Variants in CEP112 observed in about 807,000 individuals in gnomAD.
The protein encoded by CEP112 is centrosomal protein of 112 kDa.
Under a neutral mutation model 153.0 loss-of-function variants are expected in CEP112, and 127 were observed. The observed-to-expected ratio is 0.83, with a 90% CI of 0.72 to 0.96. CEP112 has a LOEUF of 0.96. Among genes scored for constraint, CEP112 ranks in the 40% least tolerant of loss-of-function variants. The probability of loss-of-function intolerance (pLI) is 0.00; values close to 1 mark genes in which losing one functional copy is unlikely to be tolerated. For missense variants in CEP112, 1,089 were observed against 1,101.2 expected, an observed-to-expected ratio of 0.99 and a Z score of 0.16; for synonymous variants, 358 against 374.4, an observed-to-expected ratio of 0.96 and a Z score of 0.51.
At chr17:66,090,001 T>G (rs1442477470) in intron 8 of CEP112, among the ~76,000 whole-genome samples, 2 of 152,126 alleles carry the variant, frequency 1.3e-5, no homozygotes, top group African/African-American at 4.8e-5. Flanking sequence ...GAGGAAATCT[T>G]ACAGTCCAGA....
chr17:65,708,644 G>T lies in CEP112; in HGVS notation c.2608-19426C>A, dbSNP rs564426251. 1.1e-4 allele frequency among the ~76,000 whole-genome samples: 17 copies of T among 152,228 alleles called. No individual in the cohort carries two copies. The South Asian group carries it at 3.5e-3, about 32-fold the overall frequency. On this transcript the variant is annotated intron_variant, in intron 23 of 26. Coordinates refer to ENST00000535342, the MANE Select transcript of CEP112 (RefSeq NM_001199165.4). ...TGCCCCTTGGTGAAAATTCAGAAGG[G>T]TGCCTTGATTTTTCAGGTCACTCTA...
At chr17:65,751,977 TC>T (rs2051886668) in intron 21 of CEP112, among the ~76,000 whole-genome samples, 1 of 145,386 alleles carries the variant, frequency 6.9e-6, no homozygotes, top group South Asian at 2.2e-4. Context: ...TATCTATCTA[TC>T]TATCTATCTA....
At chr17:65,971,667 T>C (rs1231745353) in intron 17 of CEP112, among the ~76,000 whole-genome samples, 3 of 54,984 alleles carry the variant, frequency 5.5e-5, no homozygotes, top group African/African-American at 9.2e-5. Flanking sequence ...CATGCATGTA[T>C]GTTACATGCA....
chr17:65,916,250 A>AGAGTGT (rs1555711171), intron 19 of CEP112, among the ~76,000 whole-genome samples: 2 of 129,878 alleles, frequency 1.5e-5, no homozygotes, highest in Admixed American at 1.6e-4. Context: ...TTTGAAAAAG[A>AGAGTGT]GTGTGTGTGT....
chr17:65,922,835 A>G (rs1411374637), intron 19 of CEP112, among the ~76,000 whole-genome samples: 2 of 152,220 alleles, frequency 1.3e-5, no homozygotes, highest in Admixed American at 1.3e-4. Flanking sequence ...ATAGCATAAT[A>G]AAAAGTAACA....
At position 65,993,034 on chromosome 17, in the gene CEP112, G is replaced by A. The variant is rs578152394; in HGVS notation, c.1736+12656C>T. ...GGTGATTTGCTGCACCCATCAACCCGTCACCTAGGTATTAAGCCCAGCATG... is the reference window on the plus strand; with the variant it reads ...GGTGATTTGCTGCACCCATCAACCCATCACCTAGGTATTAAGCCCAGCATG... On this transcript the variant is annotated intron_variant, in intron 17 of 26. Coordinates refer to ENST00000535342, the MANE Select transcript of CEP112 (RefSeq NM_001199165.4). 4.6e-5 allele frequency among the ~76,000 whole-genome samples: 7 copies of A among 152,118 alleles called. No homozygotes were observed. In the South Asian group the frequency reaches 6.2e-4, roughly 14 times the overall value.
intron 24 of CEP112, among the ~76,000 whole-genome samples, chr17:65,650,892 GCT>G (rs2045733710): frequency 6.6e-6 from 1 of 151,236 alleles, no homozygotes; most frequent in Non-Finnish European, 1.5e-5. Context: ...TCTCTCTCTC[GCT>G]CTCTTTTTTT....
chr17:65,868,459 C>T (rs2058552815), intron 20 of CEP112, among the ~76,000 whole-genome samples: 1 of 151,118 alleles, frequency 6.6e-6, no homozygotes, highest in South Asian at 2.1e-4. Context: ...GAGATCATGC[C>T]ACTGTACTCC....
intron 18 of CEP112, among the ~76,000 whole-genome samples, chr17:65,957,147 A>G (rs1283162431): frequency 6.6e-6 from 1 of 152,230 alleles, no homozygotes; most frequent in Non-Finnish European, 1.5e-5. Context: ...GATGGAAGGT[A>G]ACTGAAACCA....
rs1420344578 is a variant in CEP112, at chr17:66,132,771, A to G, written c.471-8T>C. The stretch of plus-strand genomic sequence containing the variant: ...CCAGTGTACTGTTCCCTGCTAAGAG[A>G]CCAAAATAATCGCAATCACAATTTG... On this transcript the variant is annotated splice_region_variant and splice_polypyrimidine_tract_variant and intron_variant, in intron 4 of 26. Coordinates refer to ENST00000535342, the MANE Select transcript of CEP112 (RefSeq NM_001199165.4). 6.3e-7 allele frequency: 1 copy of G among 1,587,466 alleles called. No homozygotes were observed. Among genetic ancestry groups the G allele is most frequent in the Non-Finnish European group, 8.7e-7 (1 of 1,155,658 alleles).
In CEP112 at chr17:65,641,082, T is replaced by A. The variant is rs768387049; in HGVS notation, c.2698-17A>T. 1 of 1,325,746 alleles carries A rather than the reference T, an allele frequency of 7.5e-7. No homozygotes were observed. The highest frequency in any genetic ancestry group is 1.4e-5 in the African/African-American group (1 of 69,496). The allele number at this position is 1,325,746 out of a possible 1,614,324, so 82.1% of individuals were successfully genotyped here. A position where few individuals can be genotyped will look rare whatever the true frequency, so the allele number is the denominator to read the frequency against. ...GTAAGTTATCTAAATTGGAAAAAAA[T>A]TAAGAGTTATCTTTTTACCACATAA... On this transcript the variant is annotated splice_polypyrimidine_tract_variant and intron_variant, in intron 24 of 26. Transcript: ENST00000535342.
At position 66,116,320 on chromosome 17, in the gene CEP112, C is replaced by T. The variant is rs185464594; in HGVS notation, c.642+13426G>A. Among the ~76,000 whole-genome samples, 116 of 152,026 alleles carry T rather than the reference C, an allele frequency of 7.6e-4. 2 individuals are homozygous for T. The South Asian group carries it at 8.5e-3, about 11-fold the overall frequency. On this transcript the variant is annotated intron_variant, in intron 6 of 26. Coordinates refer to ENST00000535342, the MANE Select transcript of CEP112 (RefSeq NM_001199165.4). Reference sequence around the variant, plus strand: ...ACATTGAAGACACCATAAAGTTTTCCGTTTTATTGTTCTTTGCAAAGATCC... The same window carrying T: ...ACATTGAAGACACCATAAAGTTTTCTGTTTTATTGTTCTTTGCAAAGATCC...
chr17:65,676,519 T>C (rs1034645195), intron 24 of CEP112, among the ~76,000 whole-genome samples: 5 of 152,134 alleles, frequency 3.3e-5, no homozygotes, highest in Non-Finnish European at 5.9e-5. Context: ...ACATTAGAAA[T>C]TGACAAACCA....
rs1221237854 is a variant in CEP112 at position 65,937,845 on chromosome 17, C to T, written c.1873-10156G>A. On this transcript the variant is annotated intron_variant, in intron 18 of 26. Coordinates refer to ENST00000535342, the MANE Select transcript of CEP112 (RefSeq NM_001199165.4). ...GCCGCCCCGTCCGGGAGGTGAGGGG[C>T]GCCTCTGCCCGGCCGCCCCTACTGG... 1.1e-4 allele frequency among the ~76,000 whole-genome samples: 12 copies of T among 104,932 alleles called. 2 individuals are homozygous for T. Among genetic ancestry groups the T allele is most frequent in the African/African-American group, 1.9e-4 (6 of 31,646 alleles). The allele number at this position is 104,932 out of a possible 152,430, so 68.8% of individuals were successfully genotyped here.
intron 23 of CEP112, among the ~76,000 whole-genome samples, chr17:65,697,620 G>T (rs972846476): frequency 1.3e-5 from 2 of 152,020 alleles, no homozygotes; most frequent in African/African-American, 4.8e-5. Context: ...CGATAAATGT[G>T]GGGCTACCGA....
intron 23 of CEP112, among the ~76,000 whole-genome samples, chr17:65,708,950 C>A (rs2049043207): frequency 6.6e-6 from 1 of 152,128 alleles, no homozygotes; most frequent in Non-Finnish European, 1.5e-5. Flanking sequence ...CTCCTGGCCT[C>A]ACCCTCCTAC....
chr17:65,723,747 A>G (rs756453684), intron 23 of CEP112, among the ~76,000 whole-genome samples: 38 of 152,256 alleles, frequency 2.5e-4, no homozygotes, highest in Non-Finnish European at 8.8e-5. Context: ...GTTTATAGAC[A>G]TCAAAGGAAC....
At chr17:66,001,219 G>A (rs1010871131) in intron 17 of CEP112, among the ~76,000 whole-genome samples, 4 of 152,158 alleles carry the variant, frequency 2.6e-5, no homozygotes, top group Admixed American at 1.3e-4. Flanking sequence ...GTCTGCGTGA[G>A]CTTTTTTTCA....
chr17:66,030,976 T>C (rs2065437963), intron 12 of CEP112, among the ~76,000 whole-genome samples: 1 of 152,144 alleles, frequency 6.6e-6, no homozygotes, highest in Admixed American at 6.5e-5. Context: ...CAATACCAAA[T>C]AGGTATACAA....
Sources: allele counts gnomAD v4.1 joint callset (sites outside exome capture counted in the v4.1 genomes callset), GRCh38; gene constraint gnomAD v4.1.1; transcripts MANE v1.5; gene names NCBI Gene and HGNC (gene_info 2026-07-23, HGNC 2026-07-21).